The following DPRX variants were observed in gnomAD, a reference collection of about 807,000 sequenced individuals.
DPRX encodes the protein divergent-paired related homeobox.
In DPRX, 11 loss-of-function variants were observed where a neutral mutation model predicts 8.4. The observed-to-expected ratio is 1.31, with a 90% CI of 0.82 to 2.17. The LOEUF (loss-of-function observed/expected upper bound fraction) is 2.17. Ranked by LOEUF, DPRX falls within the 30% of genes most tolerant of loss-of-function variation. DPRX has a pLI of 0.00. For missense variants in DPRX, 211 were observed against 236.7 expected (o/e 0.89, Z 0.71); for synonymous variants, 72 against 87.0 (o/e 0.83, Z 0.96).
chr19:53,613,871 C>G, the DPRX span, among the ~76,000 whole-genome samples: 1 of 151,848 alleles, frequency 6.6e-6, no homozygotes, highest in African/African-American at 2.4e-5. Context: ...TTTTTTCCTA[C>G]GTTTATTGGC....
chr19:53,634,406 C>A, intron 1 of DPRX, 125 bp from the exon 2 acceptor site: 1 of 1,234,184 alleles, frequency 8.1e-7, no homozygotes, highest in Non-Finnish European at 1.1e-6. Flanking sequence ...ACTCCAGCCT[C>A]GGTGACAGAA....
rs1225478687 is a variant in DPRX, at chr19:53,632,151, G to A, written c.28+17G>A. On this transcript the variant is annotated intron_variant, in intron 1 of 2. Coordinates refer to ENST00000376650, the Ensembl canonical transcript of DPRX. ...TTCGTAAAGGTAAGCCAGAAAAAAT[G>A]AGAACCGAAGCAAAGACACGTGAAG... 2 of 1,614,004 alleles carry A rather than the reference G, an allele frequency of 1.2e-6. No individual in the cohort carries two copies. The highest frequency in any genetic ancestry group is 1.7e-6 in the Non-Finnish European group (2 of 1,179,974).
the DPRX span, among the ~76,000 whole-genome samples, chr19:53,622,754 C>A: frequency 6.6e-6 from 1 of 152,154 alleles, no homozygotes; most frequent in African/African-American, 2.4e-5. Flanking sequence ...AGTGTTCCCT[C>A]TTCAAAAATG....
the DPRX span, among the ~76,000 whole-genome samples, chr19:53,614,677 T>G: frequency 6.6e-6 from 1 of 152,186 alleles, no homozygotes; most frequent in African/African-American, 2.4e-5. Flanking sequence ...TTGTAAAAAT[T>G]TTTGGGTCCT....
At chr19:53,609,910 G>A in the DPRX span, among the ~76,000 whole-genome samples, 2 of 151,866 alleles carry the variant, frequency 1.3e-5, no homozygotes, top group African/African-American at 2.4e-5. Context: ...GCTTGAACCC[G>A]GGAGGTGGAG....
At chr19:53,616,555 G>C in the DPRX span, among the ~76,000 whole-genome samples, 1 of 152,124 alleles carries the variant, frequency 6.6e-6, no homozygotes, top group South Asian at 2.1e-4. Flanking sequence ...AGGAGTTCGA[G>C]ACCAGCCTAA....
chr19:53,610,151 C>CA, the DPRX span, among the ~76,000 whole-genome samples: 6 of 77,734 alleles, frequency 7.7e-5, no homozygotes, highest in South Asian at 4.8e-4. Flanking sequence ...AACTGTGTCT[C>CA]AAAAAAAAAA....
At chr19:53,601,390 A>G in the DPRX span, 2 of 456,196 alleles carry the variant, frequency 4.4e-6, no homozygotes, top group Non-Finnish European at 4.4e-6. Context: ...CAAAGCGTTA[A>G]CCGTGAGCAC....
the DPRX span, among the ~76,000 whole-genome samples, chr19:53,613,161 G>A: frequency 6.6e-6 from 1 of 152,102 alleles, no homozygotes; most frequent in East Asian, 1.9e-4. Context: ...CGCTTCTGAA[G>A]CTGCTTCGGA....
the DPRX span, among the ~76,000 whole-genome samples, chr19:53,620,110 C>G: frequency 6.6e-6 from 1 of 152,090 alleles, no homozygotes; most frequent in Non-Finnish European, 1.5e-5. Flanking sequence ...CGCTCTGTCC[C>G]CCAGGCTAGA....
the DPRX span, among the ~76,000 whole-genome samples, chr19:53,613,421 G>A: frequency 4.0e-5 from 6 of 151,796 alleles, no homozygotes; most frequent in African/African-American, 7.3e-5. Context: ...ATCTCAGCTC[G>A]ACTGTAACCT....
chr19:53,601,643 G>C, the DPRX span, among the ~76,000 whole-genome samples: 1 of 151,742 alleles, frequency 6.6e-6, no homozygotes, highest in Non-Finnish European at 1.5e-5. Flanking sequence ...CACCATGCCC[G>C]GCTAATTTTT....
chr19:53,602,638 A>T, the DPRX span, among the ~76,000 whole-genome samples: 2 of 151,482 alleles, frequency 1.3e-5, no homozygotes, highest in Admixed American at 6.6e-5. Context: ...GGTTCAAATA[A>T]TTCTCCTGCC....
chr19:53,632,576 T>G (rs2122160873), intron 1 of DPRX, among the ~76,000 whole-genome samples: 1 of 152,182 alleles, frequency 6.6e-6, no homozygotes, highest in South Asian at 2.1e-4. Context: ...CCCAAAGTGC[T>G]GGGGTGACAG....
the DPRX span, among the ~76,000 whole-genome samples, chr19:53,615,065 T>C: frequency 6.6e-6 from 1 of 152,134 alleles, no homozygotes; most frequent in Non-Finnish European, 1.5e-5. Flanking sequence ...TCTAATTTTT[T>C]TTTTAGACGG....
chr19:53,627,439 C>CT (rs1030412694), upstream of DPRX, among the ~76,000 whole-genome samples: 46 of 66,268 alleles, frequency 6.9e-4, no homozygotes, highest in East Asian at 4.8e-3. Flanking sequence ...TTCTTTCTTT[C>CT]TTTTTTTTTT....
the DPRX span, among the ~76,000 whole-genome samples, chr19:53,607,859 AAAAT>A: frequency 6.6e-5 from 10 of 151,204 alleles, no homozygotes; most frequent in African/African-American, 2.2e-4. Flanking sequence ...TCAAAAAATA[AAAAT>A]AAAGGTAAAT....
chr19:53,610,237 T>C, the DPRX span, among the ~76,000 whole-genome samples: 1 of 151,064 alleles, frequency 6.6e-6, no homozygotes. Context: ...GGAGAATTGC[T>C]TGAAACTGGG....
At chr19:53,620,456 G>A in the DPRX span, among the ~76,000 whole-genome samples, 1 of 151,388 alleles carries the variant, frequency 6.6e-6, no homozygotes, top group African/African-American at 2.4e-5. Context: ...TCTGCCCCCT[G>A]GGTTCAAGAG....
Sources: allele counts gnomAD v4.1 joint callset (sites outside exome capture counted in the v4.1 genomes callset), GRCh38; gene constraint gnomAD v4.1.1; transcripts MANE v1.5; gene names NCBI Gene and HGNC (gene_info 2026-07-23, HGNC 2026-07-21).